Variants in STIM1 observed in about 807,000 individuals in gnomAD.
STIM1 encodes the protein stromal interaction molecule 1.
STIM1 carries 25 observed loss-of-function variants against 74.7 expected under a neutral mutation model. The ratio of observed to expected loss-of-function variants is 0.33; its 90% CI spans 0.24 to 0.47. The LOEUF is 0.47. Among genes scored for constraint, STIM1 ranks in the 20% least tolerant of loss-of-function variants. The pLI is 1.00. For missense variants in STIM1, 728 were observed against 920.8 expected (o/e 0.79, Z 2.71); for synonymous variants, 328 against 348.8 (o/e 0.94, Z 0.66).
At chr11:3,970,449 A>G (rs1353601282) in intron 2 of STIM1, among the ~76,000 whole-genome samples, 1 of 152,128 alleles carries the variant, frequency 6.6e-6, no homozygotes, top group Non-Finnish European at 1.5e-5. Flanking sequence ...ATCTAACTAG[A>G]AAGTTGGGTA....
At chr11:3,984,379 G>T (rs2093537901) in intron 2 of STIM1, among the ~76,000 whole-genome samples, 1 of 152,070 alleles carries the variant, frequency 6.6e-6, no homozygotes, top group Admixed American at 6.6e-5. Context: ...TCTTAATTCA[G>T]GCAAAGCATG....
At chr11:3,945,484 A>T (rs1456609375) in intron 1 of STIM1, among the ~76,000 whole-genome samples, 1 of 152,186 alleles carries the variant, frequency 6.6e-6, no homozygotes, top group African/African-American at 2.4e-5. Context: ...CTGTAATTCC[A>T]GCTACTCGGG....
chr11:4,040,935 G>A (rs542542777), intron 3 of STIM1, among the ~76,000 whole-genome samples: 3 of 152,132 alleles, frequency 2.0e-5, no homozygotes, highest in Non-Finnish European at 4.4e-5. Context: ...GATGGTTCAG[G>A]GTTTGATAAT....
At chr11:3,967,797 A>G in intron 2 of STIM1, 115 bp downstream of exon 2, 2 of 1,482,260 alleles carry the variant, frequency 1.3e-6, no homozygotes, top group Non-Finnish European at 9.3e-7. Flanking sequence ...CTTGTTCTTT[A>G]GGAACTCATC....
upstream of STIM1, chr11:3,855,159 C>G (rs1216189627): frequency 6.6e-6 from 1 of 152,260 alleles, no homozygotes; most frequent in African/African-American, 2.4e-5. Flanking sequence ...GGGAACTGGC[C>G]GGGAGTTGGG....
At chr11:4,084,399 A>T (rs1351976436) in intron 10 of STIM1, among the ~76,000 whole-genome samples, 2 of 152,164 alleles carry the variant, frequency 1.3e-5, no homozygotes, top group Non-Finnish European at 2.9e-5. Context: ...TATCAATAAT[A>T]CTTTGCCCCT....
At chr11:3,894,229 A>C (rs1447748890) in intron 1 of STIM1, among the ~76,000 whole-genome samples, 1 of 152,214 alleles carries the variant, frequency 6.6e-6, no homozygotes, top group African/African-American at 2.4e-5. Context: ...ATATGTTTTA[A>C]ACTTTTTTTT....
In STIM1 at chr11:3,900,776, C is replaced by T. The variant is rs559076380; in HGVS notation, c.139+44367C>T. On this transcript the variant is annotated intron_variant, in intron 1 of 12. Transcript: ENST00000526596. The stretch of plus-strand genomic sequence containing the variant: ...TTTTTTGTAGAGATGGGTTCTCACT[C>T]TGTTGCCTAAGCTGGTCTTGAACTC... 9.2e-4 allele frequency among the ~76,000 whole-genome samples: 140 copies of T among 152,328 alleles called. 2 individuals carry two copies. The highest frequency in any genetic ancestry group is 3.3e-3 in the African/African-American group (139 of 41,592).
chr11:3,913,931 G>A (rs969668999), intron 1 of STIM1, among the ~76,000 whole-genome samples: 2 of 152,024 alleles, frequency 1.3e-5, no homozygotes, highest in East Asian at 1.9e-4. Flanking sequence ...ACGTTGTAAC[G>A]TGTCGGTACT....
rs759705220 is a variant in STIM1 at position 4,032,365 on chromosome 11, T to C, written c.385+8378T>C. On this transcript the variant is annotated intron_variant, in intron 3 of 12. Transcript: ENST00000526596. ...CAAGTTGTTTGTATAAGTGTGAGTT[T>C]ATTTTTGGACTCTATTATGATACGC... Among the ~76,000 whole-genome samples, 239 of 152,342 alleles carry C rather than the reference T, an allele frequency of 1.6e-3. 4 individuals are homozygous for C. The highest frequency in any genetic ancestry group is 8.5e-4 in the Admixed American group (13 of 15,298).
intron 2 of STIM1, among the ~76,000 whole-genome samples, chr11:4,017,944 A>G (rs1268663580): frequency 6.6e-6 from 1 of 152,176 alleles, no homozygotes; most frequent in Non-Finnish European, 1.5e-5. Context: ...AAAAATATAA[A>G]TGTCTTCATG....
At chr11:4,066,270 G>A (rs1253868657) in intron 5 of STIM1, among the ~76,000 whole-genome samples, 1 of 152,172 alleles carries the variant, frequency 6.6e-6, no homozygotes, top group Admixed American at 6.5e-5. Context: ...CTGAGTGCAA[G>A]GTAGATTCTG....
intron 2 of STIM1, among the ~76,000 whole-genome samples, chr11:4,004,745 T>C (rs2093759407): frequency 6.6e-6 from 1 of 151,764 alleles, no homozygotes; most frequent in South Asian, 2.1e-4. Context: ...TGGGATCTAA[T>C]TAAACTAAAG....
intron 3 of STIM1, among the ~76,000 whole-genome samples, chr11:4,025,246 A>G (rs16929492): frequency 0.038 from 5,860 of 152,286 alleles, 263 homozygotes; most frequent in East Asian, 0.19. Flanking sequence ...GGGATAATCT[A>G]TATTGTAGAT....
At chr11:3,956,823 CAAAAAAAA>C (rs78285130) in intron 1 of STIM1, among the ~76,000 whole-genome samples, 37 of 38,194 alleles carry the variant, frequency 9.7e-4, no homozygotes, top group South Asian at 1.7e-3. Context: ...ACCCTGTCTC[CAAAAAAAA>C]AAAAAAAAAA....
chr11:4,031,814 T>C (rs1361881646), intron 3 of STIM1, among the ~76,000 whole-genome samples: 1 of 152,278 alleles, frequency 6.6e-6, no homozygotes, highest in Non-Finnish European at 1.5e-5. Flanking sequence ...TCTCCAGATC[T>C]GTGGCTTGTC....
At chr11:3,971,398 G>A (rs532542012) in intron 2 of STIM1, among the ~76,000 whole-genome samples, 3 of 152,068 alleles carry the variant, frequency 2.0e-5, no homozygotes, top group Admixed American at 6.5e-5. Context: ...GCGTGGTGGC[G>A]GGCGCCTGTA....
At chr11:3,936,777 A>G (rs1465008363) in intron 1 of STIM1, among the ~76,000 whole-genome samples, 2 of 152,182 alleles carry the variant, frequency 1.3e-5, no homozygotes, top group Non-Finnish European at 2.9e-5. Flanking sequence ...TGAAGGAGCC[A>G]AGACTGGATG....
chr11:3,924,203 C>CTT (rs1170851849), intron 1 of STIM1, among the ~76,000 whole-genome samples: 13 of 127,564 alleles, frequency 1.0e-4, no homozygotes, highest in African/African-American at 3.3e-4. Flanking sequence ...TTTTTCTTTT[C>CTT]TTTTTTTTTT....
Sources: allele counts gnomAD v4.1 joint callset (sites outside exome capture counted in the v4.1 genomes callset), GRCh38; gene constraint gnomAD v4.1.1; transcripts MANE v1.5; gene names NCBI Gene and HGNC (gene_info 2026-07-23, HGNC 2026-07-21).